SMIM12: variants seen among roughly 807,000 people sequenced by gnomAD.
SMIM12 encodes the protein UPF0767 protein C1orf212.
SMIM12 carries 5 observed loss-of-function variants against 6.3 expected under a neutral mutation model. The observed-to-expected ratio is 0.80, with a 90% CI of 0.42 to 1.68. The LOEUF is 1.68. SMIM12 is among the 40% of genes most tolerant of loss of function. The pLI is 0.02. For synonymous variants in SMIM12, 51 were observed against 48.0 expected (o/e 1.06, Z -0.26); for missense variants, 103 against 121.4 (o/e 0.85, Z 0.71).
chr1:34,859,611 C>T (rs1427074198), intron 1 of SMIM12, 66 bp downstream of exon 1: 4 of 152,394 alleles, frequency 2.6e-5, no homozygotes, highest in Non-Finnish European at 5.9e-5. Context: ...AGCGATCACT[C>T]CTCCCGTAAC....
chr1:34,855,911 C>T lies in SMIM12; in HGVS notation c.67G>A (p.Val23Met), dbSNP rs746796830. Residue 23 changes from valine to methionine, a missense_variant, in exon 2 of 2, where the codon GTG becomes ATG. Transcript: ENST00000521580. ...APYVTFPVAF[V>M]VGAVGYHLEW... ...AGGTGGTAACCCACAGCCCCGACCA[C>T]GAAGGCAACAGGGAATGTGACATAA... 11 of 1,551,656 alleles carry T rather than the reference C, an allele frequency of 7.1e-6. No individual in the cohort carries two copies. Among genetic ancestry groups the T allele is most frequent in the South Asian group, 4.8e-5 (4 of 84,060 alleles).
rs1640940903 is a variant in SMIM12 at position 34,851,880 on chromosome 1, A to C, written c.*3819T>G. Among the ~76,000 whole-genome samples the C allele has an allele frequency of 6.6e-6, 1 of 152,244 alleles. No individual in the cohort carries two copies. The highest frequency in any genetic ancestry group is 2.4e-5 in the African/African-American group (1 of 41,466). ...TTCAGTGAACTGTGACTGGAAGGCC[A>C]GTCAAAAAGAGGGTCACATGCCTCC... On this transcript the variant is annotated 3_prime_UTR_variant, in exon 2 of 2. Coordinates refer to ENST00000521580, the MANE Select transcript of SMIM12 (RefSeq NM_138428.6).
At position 34,851,547 on chromosome 1, in the gene SMIM12, C is replaced by A. The variant is rs546091091; in HGVS notation, c.*4152G>T. ...AACCCAGACTCTGGCAAGGCTAATTCCATGATGTTTCACTCAGCGGCAGTC... is the reference window on the plus strand; with the variant it reads ...AACCCAGACTCTGGCAAGGCTAATTACATGATGTTTCACTCAGCGGCAGTC... On this transcript the variant is annotated 3_prime_UTR_variant, in exon 2 of 2. Transcript: ENST00000521580. 6.6e-6 allele frequency: 1 copy of A among 152,328 alleles called. No homozygotes were observed. Among genetic ancestry groups the A allele is most frequent in the East Asian group, 1.9e-4 (1 of 5,184 alleles). The allele number at this position is 152,328 out of a possible 1,614,324, so 9.4% of individuals were successfully genotyped here.
rs1638540990 is a variant in SMIM12 at position 34,853,630 on chromosome 1, G to A, written c.*2069C>T. The A allele has an allele frequency of 6.6e-6, 1 of 152,190 alleles. No individual in the cohort carries two copies. Among genetic ancestry groups the A allele is most frequent in the South Asian group, 2.1e-4 (1 of 4,832 alleles). 9.4% of individuals were successfully genotyped at this position (152,190 alleles called of 1,614,324 possible). ...AAACAATTCAAATGTCCAGCAATAT[G>A]GAAATTGTCCAGGATAAACTTATGT... On this transcript the variant is annotated 3_prime_UTR_variant, in exon 2 of 2. Transcript: ENST00000521580.
chr1:34,852,463 CAAAAAA>C lies in SMIM12; in HGVS notation c.*3230_*3235del, dbSNP rs34535449. Reference sequence around the variant, plus strand: ...TATTTGTAACAAGTTGTTAGATCGCCAAAAAAAAAAAAAAAAAAAAAACCATAATTA... The same window carrying C: ...TATTTGTAACAAGTTGTTAGATCGCCAAAAAAAAAAAAAAAACCATAATTA... On this transcript the variant is annotated 3_prime_UTR_variant, in exon 2 of 2. Transcript: ENST00000521580. Among the ~76,000 whole-genome samples the C allele has an allele frequency of 1.2e-5, 1 of 81,784 alleles. No homozygotes were observed. Among genetic ancestry groups the C allele is most frequent in the South Asian group, 5.9e-4 (1 of 1,700 alleles). 53.7% of individuals were successfully genotyped at this position (81,784 alleles called of 152,430 possible). A position where few individuals can be genotyped will look rare whatever the true frequency, so the allele number is the denominator to read the frequency against.
At position 34,854,013 on chromosome 1, in the gene SMIM12, A is replaced by ATG. The variant is rs1476130523; in HGVS notation, c.*1685_*1686insCA. The stretch of plus-strand genomic sequence containing the variant: ...CAACAACAACAACAACAACAAAAAA[A>ATG]AACTACAGACTGCCAGGCACGGTGC... On this transcript the variant is annotated 3_prime_UTR_variant, in exon 2 of 2. Transcript: ENST00000521580. The ATG allele has an allele frequency of 7.7e-6, 1 of 129,408 alleles. No homozygotes were observed. The highest frequency in any genetic ancestry group is 3.2e-5 in the African/African-American group (1 of 31,194). The allele number at this position is 129,408 out of a possible 1,614,324, so 8.0% of individuals were successfully genotyped here.
Position 34,855,739 on chromosome 1 carries a change from G to T in SMIM12, c.239C>A (p.Pro80Gln). ...GCGGTTTCTGTTCAGCACAGCTTTC[G>T]GGGCAAATTCTAGCTTGTCCTTAAG... ...VSLKDKLEFA[P>Q]KAVLNRNRPE... Residue 80 changes from proline to glutamine, a missense_variant, in exon 2 of 2, where the codon CCG (proline) becomes CAG (glutamine). Transcript: ENST00000521580. 1.2e-6 allele frequency: 2 copies of T among 1,603,138 alleles called. No homozygotes were observed. Among genetic ancestry groups the T allele is most frequent in the Middle Eastern group, 1.7e-4 (1 of 6,048 alleles).
chr1:34,856,685 AAC>A (rs1043210531), intron 1 of SMIM12: 2 of 152,218 alleles, frequency 1.3e-5, no homozygotes, highest in African/African-American at 4.8e-5. Flanking sequence ...TTCCCCATGA[AAC>A]ACAATCTACG....
In SMIM12 at chr1:34,855,366, G is replaced by A. The variant is rs962771434; in HGVS notation, c.*333C>T. 11 of 1,452,768 alleles carry A rather than the reference G, an allele frequency of 7.6e-6. No individual in the cohort carries two copies. Among genetic ancestry groups the A allele is most frequent in the Non-Finnish European group, 1.0e-5 (11 of 1,077,410 alleles). 90.0% of individuals were successfully genotyped at this position (1,452,768 alleles called of 1,614,324 possible). Reference sequence around the variant, plus strand: ...TCCTAAAGGCAACGCCCAAATCCCAGCCATTCCCACTAGAGGCCAAACCGC... The same window carrying A: ...TCCTAAAGGCAACGCCCAAATCCCAACCATTCCCACTAGAGGCCAAACCGC... On this transcript the variant is annotated 3_prime_UTR_variant, in exon 2 of 2. Coordinates refer to ENST00000521580, the MANE Select transcript of SMIM12 (RefSeq NM_138428.6).
intron 1 of SMIM12, among the ~76,000 whole-genome samples, chr1:34,859,277 T>C (rs1404477895): frequency 6.6e-6 from 1 of 152,232 alleles, no homozygotes; most frequent in Non-Finnish European, 1.5e-5. Context: ...CCAGAAGCCG[T>C]AGTCCCAAAT....
At position 34,852,831 on chromosome 1, in the gene SMIM12, C is replaced by G. The variant is rs1638500928; in HGVS notation, c.*2868G>C. 1 of 152,422 alleles carries G rather than the reference C, an allele frequency of 6.6e-6. No homozygotes were observed. The highest frequency in any genetic ancestry group is 2.4e-5 in the African/African-American group (1 of 41,404). The allele number at this position is 152,422 out of a possible 1,614,324, so 9.4% of individuals were successfully genotyped here. On this transcript the variant is annotated 3_prime_UTR_variant, in exon 2 of 2. Transcript: ENST00000521580. ...CGTGGTGGCTCATTTGTCACCTGAC[C>G]TCTGTCAGCACTAGTGTTTGGTTTA...
chr1:34,851,824 A>G lies in SMIM12; in HGVS notation c.*3875T>C, dbSNP rs912112488. Reference sequence around the variant, plus strand: ...GAGACGGGGGTAAGCGGGGAGCAAAAAGCCCCAAGCACATCCACTCACTCA... The same window carrying G: ...GAGACGGGGGTAAGCGGGGAGCAAAGAGCCCCAAGCACATCCACTCACTCA... On this transcript the variant is annotated 3_prime_UTR_variant, in exon 2 of 2. Coordinates refer to ENST00000521580, the MANE Select transcript of SMIM12 (RefSeq NM_138428.6). Among the ~76,000 whole-genome samples, 2 of 152,198 alleles carry G rather than the reference A, an allele frequency of 1.3e-5. No homozygotes were observed. Among genetic ancestry groups the G allele is most frequent in the Non-Finnish European group, 2.9e-5 (2 of 68,032 alleles).
At chr1:34,856,999 C>T (rs1266803920) in intron 1 of SMIM12, among the ~76,000 whole-genome samples, 1 of 151,868 alleles carries the variant, frequency 6.6e-6, no homozygotes, top group African/African-American at 2.4e-5. Context: ...GAGGCTGAGG[C>T]AGGAGAATCA....
chr1:34,855,564 T>C lies in SMIM12; in HGVS notation c.*135A>G. 6.2e-7 allele frequency: 1 copy of C among 1,612,786 alleles called. No homozygotes were observed. The highest frequency in any genetic ancestry group is 8.5e-7 in the Non-Finnish European group (1 of 1,179,724). Reference sequence around the variant, plus strand: ...CCTGGCCATCAAGGAGCAGCCAGTATTTGTGTGGCTGTGTGGTGTGGGAAG... The same window carrying C: ...CCTGGCCATCAAGGAGCAGCCAGTACTTGTGTGGCTGTGTGGTGTGGGAAG... On this transcript the variant is annotated 3_prime_UTR_variant, in exon 2 of 2. Transcript: ENST00000521580.
chr1:34,850,851 G>C lies in SMIM12; in HGVS notation c.*4848C>G, dbSNP rs1052808473. 1 of 152,208 alleles carries C rather than the reference G, an allele frequency of 6.6e-6. No individual in the cohort carries two copies. The highest frequency in any genetic ancestry group is 2.4e-5 in the African/African-American group (1 of 41,426). The allele number at this position is 152,208 out of a possible 1,614,324, so 9.4% of individuals were successfully genotyped here. ...CATTCTGGCCAATCTGCTTCCCTCTGACTTTGCAGACTGCACTGATGGAAC... is the reference window on the plus strand; with the variant it reads ...CATTCTGGCCAATCTGCTTCCCTCTCACTTTGCAGACTGCACTGATGGAAC... On this transcript the variant is annotated 3_prime_UTR_variant, in exon 2 of 2. Transcript: ENST00000521580.
At chr1:34,858,356 A>G (rs1245336495) in intron 1 of SMIM12, 1 of 151,988 alleles carries the variant, frequency 6.6e-6, no homozygotes, top group Non-Finnish European at 1.5e-5. Context: ...CCAATTTCAA[A>G]GCCTACACTC....
chr1:34,855,168 T>C lies in SMIM12; in HGVS notation c.*531A>G. 1 of 1,367,128 alleles carries C rather than the reference T, an allele frequency of 7.3e-7. No homozygotes were observed. The highest frequency in any genetic ancestry group is 9.8e-7 in the Non-Finnish European group (1 of 1,021,664). 84.7% of individuals were successfully genotyped at this position (1,367,128 alleles called of 1,614,324 possible). A position where few individuals can be genotyped will look rare whatever the true frequency, so the allele number is the denominator to read the frequency against. ...CGTCCCTGCCCCAAAGTGAACAGTCTGGGCTTCCCAGAACAGAAAAGTGCT... is the reference window on the plus strand; with the variant it reads ...CGTCCCTGCCCCAAAGTGAACAGTCCGGGCTTCCCAGAACAGAAAAGTGCT... On this transcript the variant is annotated 3_prime_UTR_variant, in exon 2 of 2. Coordinates refer to ENST00000521580, the MANE Select transcript of SMIM12 (RefSeq NM_138428.6).
Position 34,855,824 on chromosome 1 carries a change from G to A in SMIM12, c.154C>T (p.Arg52Cys), listed in dbSNP as rs868520467. The change falls in exon 2 of 2, where the codon CGC (arginine) becomes TGC (cysteine). Residue 52 changes from arginine to cysteine, a missense_variant. Physicochemically the swap from Arg to Cys is radical, Grantham distance 180 (BLOSUM62 -3). Transcript: ENST00000521580. ...TCATCCAGCTTGCGATCCTCCCGGC[G>A]CTCTGAGATGCTCTTTTCCTCCTCC... ...PVEEEKSISE[R>C]REDRKLDELL... 9.7e-6 allele frequency: 15 copies of A among 1,551,886 alleles called. No individual in the cohort carries two copies. The highest frequency in any genetic ancestry group is 2.7e-5 in the African/African-American group (2 of 73,016).
chr1:34,855,394 GC>G lies in SMIM12; in HGVS notation c.*304del. On this transcript the variant is annotated 3_prime_UTR_variant, in exon 2 of 2. Transcript: ENST00000521580. Reference sequence around the variant, plus strand: ...ATTCCCACTAGAGGCCAAACCGCCTGCCCACAGAGATTGACAGCCAATGTTC... The same window carrying G: ...ATTCCCACTAGAGGCCAAACCGCCTGCCACAGAGATTGACAGCCAATGTTC... 6.7e-7 allele frequency: 1 copy of G among 1,495,792 alleles called. No individual in the cohort carries two copies. The highest frequency in any genetic ancestry group is 9.1e-7 in the Non-Finnish European group (1 of 1,104,868). 92.7% of individuals were successfully genotyped at this position (1,495,792 alleles called of 1,614,324 possible). A position where few individuals can be genotyped will look rare whatever the true frequency, so the allele number is the denominator to read the frequency against.
Sources: allele counts gnomAD v4.1 joint callset (sites outside exome capture counted in the v4.1 genomes callset), GRCh38; gene constraint gnomAD v4.1.1; transcripts MANE v1.5; gene names NCBI Gene and HGNC (gene_info 2026-07-23, HGNC 2026-07-21).